The following GALNT18 variants were observed in gnomAD, a reference collection of about 807,000 sequenced individuals.
The protein encoded by GALNT18 is polypeptide N-acetylgalactosaminyltransferase 18, also known as GalNAc-transferase 18.
Under a neutral mutation model 69.5 loss-of-function variants are expected in GALNT18, and 44 were observed. The ratio of observed to expected loss-of-function variants is 0.63; its 90% CI spans 0.50 to 0.81. The LOEUF is 0.81. Among genes scored for constraint, GALNT18 ranks in the 40% least tolerant of loss-of-function variants. GALNT18 has a pLI of 0.00. For missense variants in GALNT18, 715 were observed against 810.0 expected, an observed-to-expected ratio of 0.88 and a Z score of 1.42; for synonymous variants, 364 against 318.2, an observed-to-expected ratio of 1.14 and a Z score of -1.53.
rs1456641143 is a variant in GALNT18 at position 11,583,447 on chromosome 11, T to C, written c.235+37912A>G. Among the ~76,000 whole-genome samples, 1 of 152,212 alleles carries C rather than the reference T, an allele frequency of 6.6e-6. No homozygotes were observed. The highest frequency in any genetic ancestry group is 1.5e-5 in the Non-Finnish European group (1 of 68,038). On this transcript the variant is annotated intron_variant, in intron 1 of 10. Transcript: ENST00000227756. This position sits in a 1 kb window ranked among gnomAD's most constrained non-coding sequence, Gnocchi z 4.7. ...AAGAAATGTAGACTATCTGAATCCA[T>C]AGGTGAAAATAAAATCCACGGGGTA...
Position 11,600,509 on chromosome 11 carries a change from T to C in GALNT18, c.235+20850A>G, listed in dbSNP as rs1288493144. Among the ~76,000 whole-genome samples the C allele has an allele frequency of 6.6e-6, 1 of 152,130 alleles. No individual in the cohort carries two copies. Among genetic ancestry groups the C allele is most frequent in the Admixed American group, 6.5e-5 (1 of 15,274 alleles). ...CCATTGTTTCTGATGAGAATTCAGC[T>C]GCTAATCTTATCAGTATTCTCTTGT... On this transcript the variant is annotated intron_variant, in intron 1 of 10. Coordinates refer to ENST00000227756, the MANE Select transcript of GALNT18 (RefSeq NM_198516.3). This position sits in a 1 kb window ranked among gnomAD's most constrained non-coding sequence, Gnocchi z 4.8.
At chr11:11,279,042 G>C (rs895223201) in intron 10 of GALNT18, among the ~76,000 whole-genome samples, 2 of 152,142 alleles carry the variant, frequency 1.3e-5, no homozygotes, top group African/African-American at 4.8e-5. Flanking sequence ...TTGCAGGTGG[G>C]GCCGGATCCC....
At position 11,327,146 on chromosome 11, in the gene GALNT18, G is replaced by C; in HGVS notation, c.1452C>G (p.Asp484Glu). Residue 484 changes from aspartate to glutamate, a missense_variant, in exon 9 of 11, where the codon GAC (aspartate) becomes GAG (glutamate). Asp to Glu is a conservative substitution (Grantham distance 45). Transcript: ENST00000227756. ...QNSLKTDLCLDQGPDTENVPI... is the reference protein window; with the variant it reads ...QNSLKTDLCLEQGPDTENVPI... ...GGACATTCTCTGTATCTGGCCCCTG[G>C]TCAAGACACAAATCAGTCTTCAGAG... is the stretch of plus-strand genomic sequence containing the variant. The C allele has an allele frequency of 6.2e-7, 1 of 1,614,066 alleles. No homozygotes were observed. Among genetic ancestry groups the C allele is most frequent in the Non-Finnish European group, 8.5e-7 (1 of 1,179,956 alleles).
At chr11:11,355,995 T>G (rs141653450) in intron 6 of GALNT18, among the ~76,000 whole-genome samples, 1 of 152,354 alleles carries the variant, frequency 6.6e-6, no homozygotes, top group Non-Finnish European at 1.5e-5. Context: ...AAAACTTGTG[T>G]GCAGGGGTAA....
At chr11:11,294,217 G>A (rs577426369) in intron 9 of GALNT18, among the ~76,000 whole-genome samples, 77 of 152,288 alleles carry the variant, frequency 5.1e-4, no homozygotes, top group African/African-American at 1.6e-3. Context: ...TCCCAGGGGC[G>A]TTGCACAGGA....
intron 6 of GALNT18, among the ~76,000 whole-genome samples, chr11:11,357,513 C>G (rs1850556174): frequency 2.0e-5 from 3 of 152,212 alleles, no homozygotes; most frequent in Admixed American, 2.0e-4. Flanking sequence ...CTATCACTTC[C>G]CCTTGACTCC....
chr11:11,279,327 CTTAAAAAAAT>C (rs1238939430), intron 10 of GALNT18, among the ~76,000 whole-genome samples: 1 of 151,246 alleles, frequency 6.6e-6, no homozygotes, highest in Admixed American at 6.6e-5. Flanking sequence ...TTAAAAATTT[CTTAAAAAAAT>C]TTAAGACTAA....
At chr11:11,308,633 A>T (rs1328015862) in intron 9 of GALNT18, among the ~76,000 whole-genome samples, 1 of 152,004 alleles carries the variant, frequency 6.6e-6, no homozygotes, top group Non-Finnish European at 1.5e-5. Flanking sequence ...GGTGGAGTTG[A>T]CACTCTCCTC....
chr11:11,279,648 C>A (rs187735161), intron 10 of GALNT18, among the ~76,000 whole-genome samples: 1 of 152,154 alleles, frequency 6.6e-6, no homozygotes, highest in East Asian at 1.9e-4. Flanking sequence ...AGACAAAATA[C>A]AAACAAACAT....
Position 11,497,407 on chromosome 11 carries a change from A to G in GALNT18, c.236-48471T>C, listed in dbSNP as rs1401576825. Among the ~76,000 whole-genome samples the G allele has an allele frequency of 6.8e-6, 1 of 146,518 alleles. No individual in the cohort carries two copies. The highest frequency in any genetic ancestry group is 2.2e-4 in the East Asian group (1 of 4,596). Reference sequence around the variant, plus strand: ...GGGGCTCCTTAAGAGCAGGGACTTTATGGGTCTTATGGAGCAAGACTTTAT... The same window carrying G: ...GGGGCTCCTTAAGAGCAGGGACTTTGTGGGTCTTATGGAGCAAGACTTTAT... On this transcript the variant is annotated intron_variant, in intron 1 of 10. Transcript: ENST00000227756. The surrounding 1 kb of genome is among the most constrained non-coding windows in gnomAD (Gnocchi z 4.2).
intron 6 of GALNT18, among the ~76,000 whole-genome samples, chr11:11,357,158 G>A (rs1850547998): frequency 6.6e-6 from 1 of 152,048 alleles, no homozygotes; most frequent in Non-Finnish European, 1.5e-5. Flanking sequence ...AGATGCTTTG[G>A]CCTCAGAGGC....
At chr11:11,475,485 G>T (rs1856371657) in intron 1 of GALNT18, 1 of 152,216 alleles carries the variant, frequency 6.6e-6, no homozygotes, top group Admixed American at 6.5e-5. Context: ...GTCTAGAATT[G>T]TGGCTCTTGA....
intron 1 of GALNT18, among the ~76,000 whole-genome samples, chr11:11,450,664 G>A (rs972042066): frequency 6.6e-6 from 1 of 152,158 alleles, no homozygotes; most frequent in Non-Finnish European, 1.5e-5. Flanking sequence ...TCCTCCAAAT[G>A]GGACACCCCT....
In GALNT18 at chr11:11,270,965, ACC is replaced by A. The variant is rs1217536238; in HGVS notation, c.*177_*178del. On this transcript the variant is annotated 3_prime_UTR_variant, in exon 11 of 11. Coordinates refer to ENST00000227756, the MANE Select transcript of GALNT18 (RefSeq NM_198516.3). Reference sequence around the variant, plus strand: ...CAAAATAGTTTGATATCATACCATCACCTACCAATCAGCATCTTTCTATAAAC... The same window carrying A: ...CAAAATAGTTTGATATCATACCATCATACCAATCAGCATCTTTCTATAAAC... 1.3e-5 allele frequency: 7 copies of A among 528,252 alleles called. No homozygotes were observed. The highest frequency in any genetic ancestry group is 2.0e-5 in the Non-Finnish European group (6 of 299,478). The allele number at this position is 528,252 out of a possible 1,614,324, so 32.7% of individuals were successfully genotyped here.
At chr11:11,279,589 T>C (rs372646737) in intron 10 of GALNT18, among the ~76,000 whole-genome samples, 10 of 111,330 alleles carry the variant, frequency 9.0e-5, no homozygotes, top group East Asian at 4.7e-4. Flanking sequence ...ACAAAAACTA[T>C]AGCTATACTC....
At position 11,372,661 on chromosome 11, in the gene GALNT18, C is replaced by T. The variant is rs1262962240; in HGVS notation, c.978-32G>A. 1.3e-6 allele frequency: 2 copies of T among 1,552,188 alleles called. No homozygotes were observed. Among genetic ancestry groups the T allele is most frequent in the Non-Finnish European group, 1.8e-6 (2 of 1,125,548 alleles). On this transcript the variant is annotated intron_variant, in intron 5 of 10. Transcript: ENST00000227756. The surrounding 1 kb of genome is among the most constrained non-coding windows in gnomAD (Gnocchi z 4.9). The stretch of plus-strand genomic sequence containing the variant: ...GGGCAGGGGAGAGCAGAAGGGCTGT[C>T]TGGTGCAGCTGTCCGAGGAGTAAGA...
In GALNT18 at chr11:11,465,124, C is replaced by T. The variant is rs1856127886; in HGVS notation, c.236-16188G>A. Among the ~76,000 whole-genome samples the T allele has an allele frequency of 6.6e-6, 1 of 152,158 alleles. No homozygotes were observed. Among genetic ancestry groups the T allele is most frequent in the Non-Finnish European group, 1.5e-5 (1 of 68,036 alleles). On this transcript the variant is annotated intron_variant, in intron 1 of 10. Transcript: ENST00000227756. The surrounding 1 kb of genome is among the most constrained non-coding windows in gnomAD (Gnocchi z 5.7). ...CTACGAGGACAGAGAGAATACAGAT[C>T]CCACTGGTAACCTGGGCGAGGTGCC...
chr11:11,557,832 G>A (rs1033374277), intron 1 of GALNT18, among the ~76,000 whole-genome samples: 11 of 152,228 alleles, frequency 7.2e-5, no homozygotes, highest in African/African-American at 2.4e-4. Context: ...CCAAGAGGAT[G>A]CTCCAACATA....
chr11:11,332,750 G>T lies in GALNT18; in HGVS notation c.1360C>A (p.Leu454Met). ...QLQCKTFRWY[L>M]VSVYPEMRMY... ...CTCATCTCTGGGTACACGCTGACCA[G>T]GTACCACCGGAAGGTCTTGCACTGC... Residue 454 changes from leucine to methionine, a missense_variant, in exon 8 of 11, where the codon CTG becomes ATG. Coordinates refer to ENST00000227756, the MANE Select transcript of GALNT18 (RefSeq NM_198516.3). The surrounding 1 kb of genome is among the most constrained non-coding windows in gnomAD (Gnocchi z 4.3). The T allele has an allele frequency of 6.2e-7, 1 of 1,614,096 alleles. No homozygotes were observed. The highest frequency in any genetic ancestry group is 8.5e-7 in the Non-Finnish European group (1 of 1,179,978).
Sources: gnomAD v4.1 joint callset for allele counts (sites outside exome capture counted in the v4.1 genomes callset) on GRCh38, gnomAD v4.1.1 for gene constraint, Gnocchi (gnomAD v3.1) non-coding constraint, MANE v1.5 for transcripts, NCBI Gene and HGNC (gene_info 2026-07-23, HGNC 2026-07-21) for gene names.